TAF6: variants seen among roughly 807,000 people sequenced by gnomAD.
The protein encoded by TAF6 is transcription initiation factor TFIID subunit 6.
Under a neutral mutation model 73.5 loss-of-function variants are expected in TAF6, and 50 were observed. That is an observed-to-expected ratio of 0.68 (90% CI 0.54 to 0.86). TAF6 has a LOEUF of 0.86. Ranked by LOEUF, TAF6 falls within the 40% of genes least tolerant of loss-of-function variation. The probability of loss-of-function intolerance (pLI) is 0.00; values close to 1 mark genes in which losing one functional copy is unlikely to be tolerated. For missense variants in TAF6, 768 were observed against 899.5 expected, an observed-to-expected ratio of 0.85 and a Z score of 1.87; for synonymous variants, 424 against 376.7, an observed-to-expected ratio of 1.13 and a Z score of -1.45.
At chr7:100,122,610 C>G (rs765122649), upstream of TAF6, 13 of 1,560,166 alleles carry the variant, frequency 8.3e-6, 1 homozygote, top group Non-Finnish European at 1.1e-5. Flanking sequence ...GACCCCACTT[C>G]TCAGATACAA....
In TAF6 at chr7:100,108,500, G is replaced by T. The variant is rs760547433; in HGVS notation, c.1325C>A (p.Pro442His). 1.2e-6 allele frequency: 2 copies of T among 1,613,506 alleles called. No individual in the cohort carries two copies. The highest frequency in any genetic ancestry group is 2.2e-5 in the South Asian group (2 of 91,060). ...APVLAKLRPP[P>H]DNQDAYRAEF... The stretch of plus-strand genomic sequence containing the variant: ...TGCCCGATAGGCGTCCTGATTGTCA[G>T]GCGGTGGGCGCAGCTTTGCCAGAAC... Residue 442 changes from proline (P) to histidine (H), a missense_variant, in exon 13 of 15, where the codon CCT (proline) becomes CAT (histidine). Pro to His is a moderately conservative substitution (Grantham distance 77). Around this residue, in one of 5 missense-constraint regions of TAF6, gnomAD observed 350 missense variants for 352.3 expected, o/e 0.99. Transcript: ENST00000453269.
At chr7:100,122,466 CCT>C (rs758672119), upstream of TAF6, 16 of 1,613,780 alleles carry the variant, frequency 9.9e-6, no homozygotes, top group African/African-American at 1.3e-5. Context: ...ATCTTTGTTT[CCT>C]CTCTTTCCAC....
rs1797204773 is a variant in TAF6 at position 100,111,821 on chromosome 7, C to CA, written c.806dup (p.Asn270GlufsTer34). 5 of 1,614,116 alleles carry CA rather than the reference C, an allele frequency of 3.1e-6. No individual in the cohort carries two copies. The highest frequency in any genetic ancestry group is 4.2e-6 in the Non-Finnish European group (5 of 1,180,052). On this transcript the variant is annotated frameshift_variant, in exon 9 of 15. Coordinates refer to ENST00000453269, the MANE Select transcript of TAF6 (RefSeq NM_139315.3). LOFTEE classifies it high-confidence loss of function. ...GGGCCAGGTTGTTCTGAACCACGTT[C>CA]ACACGGACCTGTGGGAGGGAGAAGT...
Position 100,119,307 on chromosome 7 carries a change from C to G in TAF6, c.-163G>C, listed in dbSNP as rs1797940775. On this transcript the variant is annotated 5_prime_UTR_variant, in exon 1 of 15. Coordinates refer to ENST00000453269, the MANE Select transcript of TAF6 (RefSeq NM_139315.3). ...AGCGCGGGGAGCAGGAAAACTCTAG[C>G]GGCAGCCGAGACGCTGCTCACCCGG... 9.7e-7 allele frequency: 1 copy of G among 1,027,892 alleles called. No individual in the cohort carries two copies. Among genetic ancestry groups the G allele is most frequent in the Non-Finnish European group, 1.2e-6 (1 of 853,898 alleles). The allele number at this position is 1,027,892 out of a possible 1,614,324, so 63.7% of individuals were successfully genotyped here. A position where few individuals can be genotyped will look rare whatever the true frequency, so the allele number is the denominator to read the frequency against.
chr7:100,109,511 T>TG (rs1388880020), intron 12 of TAF6, among the ~76,000 whole-genome samples: 1 of 151,856 alleles, frequency 6.6e-6, no homozygotes, highest in Non-Finnish European at 1.5e-5. Flanking sequence ...CCTTCTTTTT[T>TG]GGGGGGCGGT....
At chr7:100,111,461 TC>T in intron 9 of TAF6, 140 bp from the exon 10 acceptor site, 2 of 1,123,036 alleles carry the variant, frequency 1.8e-6, no homozygotes, top group South Asian at 3.1e-5. Flanking sequence ...CAAGCAATTC[TC>T]CCATCTCAGC....
the TAF6 span, among the ~76,000 whole-genome samples, chr7:100,125,906 G>T: frequency 5.9e-5 from 9 of 152,222 alleles, no homozygotes; most frequent in Non-Finnish European, 1.0e-4. Flanking sequence ...TAGCCGGGCG[G>T]CTGGGCGCGG....
At chr7:100,119,803 G>A (rs752907162), upstream of TAF6, 1 of 1,614,110 alleles carries the variant, frequency 6.2e-7, no homozygotes, top group Non-Finnish European at 8.5e-7. Context: ...CACGAGGCTT[G>A]GGCTGGGATG....
intron 4 of TAF6, 82 bp from the exon 5 acceptor site, chr7:100,113,487 C>T (rs1441074240): frequency 6.5e-7 from 1 of 1,530,274 alleles, no homozygotes; most frequent in African/African-American, 1.4e-5. Context: ...CGTGTTTCCA[C>T]TCCTGCTCCC....
chr7:100,119,592 G>A (rs1797958280), upstream of TAF6: 1 of 1,487,380 alleles, frequency 6.7e-7, no homozygotes. Context: ...CCGTAGCAAC[G>A]AGGCCCCACC....
chr7:100,113,181 G>A (rs558875149), intron 5 of TAF6, among the ~76,000 whole-genome samples, 168 bp downstream of exon 5: 8 of 152,124 alleles, frequency 5.3e-5, no homozygotes, highest in Non-Finnish European at 8.8e-5. Flanking sequence ...CACAAGAATC[G>A]CGTGAACCCA....
chr7:100,111,117 C>T (rs771481569), intron 10 of TAF6, 22 bp downstream of exon 10: 32 of 1,607,882 alleles, frequency 2.0e-5, no homozygotes, highest in East Asian at 1.8e-4. Context: ...AAGCAAATGA[C>T]GCTCAAGTTT....
intron 4 of TAF6, 48 bp from the exon 5 acceptor site, chr7:100,113,453 G>T: frequency 6.5e-7 from 1 of 1,540,674 alleles, no homozygotes; most frequent in South Asian, 1.2e-5. Flanking sequence ...ATGGACATTG[G>T]GGAGTTGCCC....
chr7:100,112,557 T>C (rs1402884802), intron 6 of TAF6, among the ~76,000 whole-genome samples: 1 of 151,468 alleles, frequency 6.6e-6, no homozygotes, highest in East Asian at 1.9e-4. Flanking sequence ...CTAAAAAAAA[T>C]TACAAAAATT....
chr7:100,126,624 G>A, the TAF6 span: 1 of 152,130 alleles, frequency 6.6e-6, no homozygotes, highest in African/African-American at 2.4e-5. Context: ...ACTAGACCGT[G>A]TCTCCAAAAA....
At chr7:100,117,814 G>A (rs991514368) in intron 1 of TAF6, among the ~76,000 whole-genome samples, 4 of 151,162 alleles carry the variant, frequency 2.6e-5, no homozygotes, top group African/African-American at 9.7e-5. Context: ...AGGCCGAGGC[G>A]GGCGGATCAC....
upstream of TAF6, among the ~76,000 whole-genome samples, chr7:100,123,739 C>T (rs1420132899): frequency 2.6e-5 from 4 of 152,096 alleles, no homozygotes; most frequent in African/African-American, 4.8e-5. Context: ...CCAGGCTGGT[C>T]GAACTCCTGA....
upstream of TAF6, chr7:100,121,118 T>TATACATA (rs1798048567): frequency 3.1e-5 from 1 of 31,894 alleles, no homozygotes; most frequent in Non-Finnish European, 5.4e-5. Flanking sequence ...ATATATATAT[T>TATACATA]TTTTTTTTTT....
Position 100,114,125 on chromosome 7 carries a change from C to A in TAF6, c.85G>T (p.Ala29Ser). Residue 29 changes from alanine to serine, a missense_variant, in exon 2 of 15, where the codon GCC becomes TCC. Transcript: ENST00000453269. Reference sequence around the variant, plus strand: ...TGGCAGGTCTCCTCCTGAATCTGGGCGATGCCCATGGATTCAGCCACCACC... The same window carrying A: ...TGGCAGGTCTCCTCCTGAATCTGGGAGATGCCCATGGATTCAGCCACCACC... Reference protein sequence around the residue: ...MKVVAESMGIAQIQEETCQLL... With the variant: ...MKVVAESMGISQIQEETCQLL... 3 of 1,614,172 alleles carry A rather than the reference C, an allele frequency of 1.9e-6. No homozygotes were observed. Among genetic ancestry groups the A allele is most frequent in the Non-Finnish European group, 2.5e-6 (3 of 1,180,030 alleles).
Sources: gnomAD v4.1 joint callset for allele counts (sites outside exome capture counted in the v4.1 genomes callset) on GRCh38, gnomAD v4.1.1 for gene constraint, gnomAD v4.1.1 regional missense constraint, MANE v1.5 for transcripts, NCBI Gene and HGNC (gene_info 2026-07-23, HGNC 2026-07-21) for gene names.